MED24: variants seen among roughly 807,000 people sequenced by gnomAD.
MED24 encodes the protein mediator complex subunit 24, also known as mediator of RNA polymerase II transcription subunit 24.
MED24 carries 74 observed loss-of-function variants against 118.8 expected under a neutral mutation model. That is an observed-to-expected ratio of 0.62 (90% confidence interval 0.52 to 0.76). The LOEUF (loss-of-function observed/expected upper bound fraction) is 0.76, where lower values mean the gene tolerates loss of function less well. Ranked by LOEUF, MED24 falls within the 30% of genes least tolerant of loss-of-function variation. The pLI, the probability that MED24 is intolerant of heterozygous loss-of-function variation, is 0.00. For missense variants in MED24, 1,041 were observed against 1,278.9 expected, an observed-to-expected ratio of 0.81 and a Z score of 2.84; for synonymous variants, 521 against 523.9, an observed-to-expected ratio of 0.99 and a Z score of 0.08.
At chr17:40,049,776 C>A (rs1567638812) in intron 3 of MED24, among the ~76,000 whole-genome samples, 1 of 151,824 alleles carries the variant, frequency 6.6e-6, no homozygotes, top group African/African-American at 2.4e-5. Context: ...CCGCCCACCT[C>A]GGCCTTGCAA....
rs1382950521 is a variant in MED24, at chr17:40,026,730, C to T, written c.1726G>A (p.Glu576Lys). The T allele has an allele frequency of 6.2e-7, 1 of 1,612,014 alleles. No homozygotes were observed. The highest frequency in any genetic ancestry group is 8.5e-7 in the Non-Finnish European group (1 of 1,179,098). Residue 576 changes from glutamate to lysine, a missense_variant, in exon 18 of 26, where the codon GAG (glutamate) becomes AAG (lysine). Transcript: ENST00000394128. ...GCGGCTGAGATGCTGAGACAGGCCT[C>T]ATGCCACTTCATCTGCCTGCGGGTG... is the stretch of plus-strand genomic sequence containing the variant. The part of the protein sequence containing the change: ...EMKLVQMKWH[E>K]ACLSISAAIL...
At chr17:40,027,813 C>A in intron 15 of MED24, 96 bp downstream of exon 15, 1 of 1,341,592 alleles carries the variant, frequency 7.5e-7, no homozygotes, top group Non-Finnish European at 1.1e-6. Context: ...CACAGCCTCC[C>A]CCTGTTGAGC....
Position 40,032,754 on chromosome 17 carries a change from G to GC in MED24, c.830_831insG (p.Thr278HisfsTer18). The GC allele has an allele frequency of 6.2e-7, 1 of 1,613,536 alleles. No homozygotes were observed. Reference sequence around the variant, plus strand: ...AGATCTCCAGGACAAAAAGTGGGGTGGGGATATGCTGTGGGAAGAGCCAAG... The same window carrying GC: ...AGATCTCCAGGACAAAAAGTGGGGTGCGGGATATGCTGTGGGAAGAGCCAAG... On this transcript the variant is annotated frameshift_variant, in exon 9 of 26. Coordinates refer to ENST00000394128, the MANE Select transcript of MED24 (RefSeq NM_014815.4). LOFTEE classifies it high-confidence loss of function.
chr17:40,022,070 G>A lies in MED24; in HGVS notation c.2524-16C>T. 2 of 1,572,770 alleles carry A rather than the reference G, an allele frequency of 1.3e-6. No individual in the cohort carries two copies. Among genetic ancestry groups the A allele is most frequent in the Non-Finnish European group, 8.7e-7 (1 of 1,154,828 alleles). ...TGATATAATCCTAGAGGGAGTGAAA[G>A]TCACTGTTATACACCCCTAAACCCC... On this transcript the variant is annotated splice_polypyrimidine_tract_variant and intron_variant, in intron 22 of 25. Coordinates refer to ENST00000394128, the MANE Select transcript of MED24 (RefSeq NM_014815.4).
chr17:40,027,234 T>A, intron 16 of MED24, 149 bp downstream of exon 16: 1 of 1,111,250 alleles, frequency 9.0e-7, no homozygotes, highest in Non-Finnish European at 1.3e-6. Context: ...AAGGTGCCTC[T>A]ACGGACTCCA....
At chr17:40,027,584 C>A (rs913420723) in intron 15 of MED24, 119 bp from the exon 16 acceptor site, 38 of 918,558 alleles carry the variant, frequency 4.1e-5, no homozygotes, top group Non-Finnish European at 6.0e-5. Flanking sequence ...TCCTTCAAAG[C>A]TCTGAGGCTC....
chr17:40,023,255 T>G lies in MED24; in HGVS notation c.2126A>C (p.Glu709Ala). 1 of 1,614,098 alleles carries G rather than the reference T, an allele frequency of 6.2e-7. No individual in the cohort carries two copies. The highest frequency in any genetic ancestry group is 1.3e-5 in the African/African-American group (1 of 75,020). ...NLLPPKRPIK[E>A]VLTDIFAKVL... ...CTTGGCAAAAATGTCCGTCAGCACC[T>G]CTTTGATGGGCCGCTTGGGGGGCAG... The change falls in exon 20 of 26, where the codon GAG (glutamate) becomes GCG (alanine). Residue 709 changes from glutamate to alanine, a missense_variant. By Grantham distance (107) the Glu-to-Ala change is moderately radical. Around this residue, in one of 3 missense-constraint regions of MED24, gnomAD observed 587 missense variants for 694.4 expected, o/e 0.85. Transcript: ENST00000394128.
At chr17:40,050,081 A>C (rs1034850611) in intron 3 of MED24, among the ~76,000 whole-genome samples, 1 of 144,210 alleles carries the variant, frequency 6.9e-6, no homozygotes, top group African/African-American at 2.6e-5. Flanking sequence ...GCCCAAGGAG[A>C]TGGAGGTTGC....
At chr17:40,053,421 T>G (rs1303846578) in intron 2 of MED24, 41 bp from the exon 3 acceptor site, 1 of 1,613,438 alleles carries the variant, frequency 6.2e-7, no homozygotes, top group South Asian at 1.1e-5. Flanking sequence ...TGATTACAAC[T>G]TCTCTGGGTT....
chr17:40,049,715 C>T (rs1201702681), intron 3 of MED24, among the ~76,000 whole-genome samples: 20 of 151,574 alleles, frequency 1.3e-4, no homozygotes, highest in Admixed American at 6.6e-4. Flanking sequence ...TTAGTAGAGA[C>T]GGGGTTTCAC....
At chr17:40,046,520 C>T (rs1223987831) in intron 3 of MED24, among the ~76,000 whole-genome samples, 1 of 140,218 alleles carries the variant, frequency 7.1e-6, no homozygotes, top group Non-Finnish European at 1.6e-5. Flanking sequence ...CCGAGGCGGG[C>T]GGATCATGAG....
chr17:40,035,248 C>G lies in MED24; in HGVS notation c.428G>C (p.Arg143Pro). The G allele has an allele frequency of 6.2e-7, 1 of 1,613,960 alleles. No individual in the cohort carries two copies. The highest frequency in any genetic ancestry group is 8.5e-7 in the Non-Finnish European group (1 of 1,180,000). Residue 143 changes from arginine (R) to proline (P), a missense_variant, in exon 6 of 26, where the codon CGG becomes CCG. By Grantham distance (103) the Arg-to-Pro change is moderately radical. This residue lies in a region of MED24 where 434 missense variants were observed against 514.9 expected (regional missense o/e 0.84). Transcript: ENST00000394128. Reference sequence around the variant, plus strand: ...TGGAGTGCCGGCCTCCAGCCCCTCCCGCAGCCGCTCTGCAGAGGCTGCCGT... The same window carrying G: ...TGGAGTGCCGGCCTCCAGCCCCTCCGGCAGCCGCTCTGCAGAGGCTGCCGT... ...RCTAASAERLREGLEAGTPAA... is the reference protein window; with the variant it reads ...RCTAASAERLPEGLEAGTPAA...
chr17:40,036,148 A>G lies in MED24; in HGVS notation c.220T>C (p.Ser74Pro). The change falls in exon 4 of 26, where the codon TCC (serine) becomes CCC (proline). Residue 74 changes from serine to proline, a missense_variant. Around this residue, in one of 3 missense-constraint regions of MED24, gnomAD observed 434 missense variants for 514.9 expected, o/e 0.84. Transcript: ENST00000394128. ...LKYAISSQMVSYSSVLTAISK... is the reference protein window; with the variant it reads ...LKYAISSQMVPYSSVLTAISK... Reference sequence around the variant, plus strand: ...ATGGCTGTGAGGACAGAAGAGTAGGACACCATCTGGAGAGAAGGAAGAAAG... The same window carrying G: ...ATGGCTGTGAGGACAGAAGAGTAGGGCACCATCTGGAGAGAAGGAAGAAAG... The G allele has an allele frequency of 6.2e-7, 1 of 1,611,432 alleles. No homozygotes were observed. Among genetic ancestry groups the G allele is most frequent in the Non-Finnish European group, 8.5e-7 (1 of 1,177,508 alleles).
intron 21 of MED24, 56 bp from the exon 22 acceptor site, chr17:40,022,540 G>C: frequency 6.3e-7 from 1 of 1,594,366 alleles, no homozygotes; most frequent in Non-Finnish European, 8.6e-7. Flanking sequence ...GGAGCTTTCT[G>C]TGTCTGACTG....
In MED24 at chr17:40,033,340, G is replaced by T. The variant is rs201795647; in HGVS notation, c.671+5C>A. ...CTTCTCCACCATCCCCCAGGGAGCC[G>T]GTACCTCCTAATGAGGGTGCCACAC... is the stretch of plus-strand genomic sequence containing the variant. On this transcript the variant is annotated splice_donor_5th_base_variant and intron_variant, in intron 7 of 25. Transcript: ENST00000394128. The surrounding 1 kb of genome is among the most constrained non-coding windows in gnomAD (Gnocchi z 5.2). The T allele has an allele frequency of 3.7e-6, 6 of 1,612,712 alleles. 1 individual carries two copies. Among genetic ancestry groups the T allele is most frequent in the Non-Finnish European group, 5.1e-6 (6 of 1,179,472 alleles).
At position 40,023,082 on chromosome 17, in the gene MED24, G is replaced by A. The variant is rs1290594577; in HGVS notation, c.2250+49C>T. The A allele has an allele frequency of 3.8e-6, 6 of 1,574,858 alleles. No homozygotes were observed. The South Asian group carries it at 5.9e-5, about 16-fold the overall frequency. On this transcript the variant is annotated intron_variant, in intron 20 of 25. Transcript: ENST00000394128. ...TGGCAGACCAGGCCAGGTGTGGGGA[G>A]CCAGGGGACAGGACCCATGTCGGCC...
At chr17:40,032,222 C>T (rs1983474566) in intron 9 of MED24, 132 bp from the exon 10 acceptor site, 3 of 1,065,892 alleles carry the variant, frequency 2.8e-6, no homozygotes, top group Non-Finnish European at 4.2e-6. Context: ...AGTGAGAGCA[C>T]ACTTAGTGCT....
intron 6 of MED24, among the ~76,000 whole-genome samples, chr17:40,034,066 C>CTAAG (rs1983679655): frequency 6.6e-6 from 1 of 152,152 alleles, no homozygotes; most frequent in Admixed American, 6.5e-5. Flanking sequence ...CACTCATGGT[C>CTAAG]TAAGCCATAT....
chr17:40,026,080 G>A, intron 19 of MED24, 76 bp downstream of exon 19: 2 of 1,463,848 alleles, frequency 1.4e-6, no homozygotes, highest in South Asian at 1.3e-5. Flanking sequence ...AGAAAAGAGA[G>A]GGGTGCTTGT....
Sources: allele counts gnomAD v4.1 joint callset (sites outside exome capture counted in the v4.1 genomes callset), GRCh38; gene constraint gnomAD v4.1.1; regional missense constraint gnomAD v4.1.1; non-coding constraint Gnocchi (gnomAD v3.1); transcripts MANE v1.5; gene names NCBI Gene and HGNC (gene_info 2026-07-23, HGNC 2026-07-21).